The following LRMDA variants were observed in gnomAD, a reference collection of about 807,000 sequenced individuals.
The protein encoded by LRMDA is leucine-rich melanocyte differentiation-associated protein.
LRMDA carries 18 observed loss-of-function variants against 29.8 expected under a neutral mutation model. That is an observed-to-expected ratio of 0.60 (90% CI 0.42 to 0.90). LRMDA has a LOEUF of 0.90. LRMDA is among the 40% of genes least tolerant of loss of function. LRMDA has a pLI of 0.00. For synonymous variants in LRMDA, 125 were observed against 109.4 expected, an observed-to-expected ratio of 1.14 and a Z score of -0.89; for missense variants, 273 against 273.9, an observed-to-expected ratio of 1.00 and a Z score of 0.02.
chr10:76,255,010 C>T (rs114342773), intron 5 of LRMDA, among the ~76,000 whole-genome samples: 18 of 152,246 alleles, frequency 1.2e-4, no homozygotes, highest in African/African-American at 4.3e-4. Context: ...CCAGACTTTC[C>T]CTATTTTCAC....
chr10:75,482,888 A>G (rs1045621514), intron 2 of LRMDA, among the ~76,000 whole-genome samples: 1 of 152,108 alleles, frequency 6.6e-6, no homozygotes, highest in African/African-American at 2.4e-5. Flanking sequence ...TCCATTTGCA[A>G]TCTCGAAGCA....
At chr10:75,928,468 C>A (rs143007377) in intron 2 of LRMDA, among the ~76,000 whole-genome samples, 1 of 152,200 alleles carries the variant, frequency 6.6e-6, no homozygotes, top group Non-Finnish European at 1.5e-5. Flanking sequence ...TTGGCAACCA[C>A]GCTTCTTCCT....
At chr10:75,438,312 T>A (rs1172905525) in intron 1 of LRMDA, 82 bp from the exon 2 acceptor site, 3 of 1,070,016 alleles carry the variant, frequency 2.8e-6, no homozygotes, top group Non-Finnish European at 4.2e-6. Context: ...GCAGAAGCAA[T>A]CATTGGATCA....
chr10:75,554,363 G>C (rs904653065), intron 2 of LRMDA, among the ~76,000 whole-genome samples: 1 of 152,196 alleles, frequency 6.6e-6, no homozygotes, highest in Admixed American at 6.5e-5. Flanking sequence ...CTGCAGAAGA[G>C]AAATGATGTT....
At chr10:75,967,139 G>A (rs1230881635) in intron 2 of LRMDA, among the ~76,000 whole-genome samples, 1 of 152,198 alleles carries the variant, frequency 6.6e-6, no homozygotes, top group East Asian at 1.9e-4. Flanking sequence ...TTGTGCGGTA[G>A]AGCTGAGCTC....
chr10:76,109,088 G>A (rs1849533381), intron 5 of LRMDA, among the ~76,000 whole-genome samples: 2 of 152,036 alleles, frequency 1.3e-5, no homozygotes, highest in South Asian at 2.1e-4. Context: ...GCTCTCCCTC[G>A]CTGAGAGGTC....
At chr10:76,412,507 A>G (rs935336367) in intron 6 of LRMDA, among the ~76,000 whole-genome samples, 13 of 152,206 alleles carry the variant, frequency 8.5e-5, no homozygotes, top group South Asian at 6.2e-4. Flanking sequence ...AAGGAAGGAC[A>G]CAAAAAAGAG....
intron 2 of LRMDA, among the ~76,000 whole-genome samples, chr10:75,561,027 A>G (rs1840287496): frequency 6.6e-6 from 1 of 151,028 alleles, no homozygotes; most frequent in African/African-American, 2.4e-5. Context: ...CGGCTTTGGT[A>G]TCAGGATGAT....
intron 2 of LRMDA, among the ~76,000 whole-genome samples, chr10:75,768,309 A>G (rs1412467759): frequency 6.6e-6 from 1 of 152,206 alleles, no homozygotes; most frequent in Admixed American, 6.5e-5. Context: ...GGGACACATT[A>G]TTGTAGAAAT....
chr10:75,602,003 A>G (rs1840893152), intron 2 of LRMDA, among the ~76,000 whole-genome samples: 1 of 152,210 alleles, frequency 6.6e-6, no homozygotes, highest in Admixed American at 6.5e-5. Context: ...CCAGAATACT[A>G]TCTTCTGTGA....
At chr10:76,377,467 T>TAGGCCA in intron 6 of LRMDA, among the ~76,000 whole-genome samples, 1 of 152,316 alleles carries the variant, frequency 6.6e-6, no homozygotes, top group East Asian at 1.9e-4. Context: ...ATTCTTTGCC[T>TAGGCCA]AGGCCAATGT....
intron 6 of LRMDA, among the ~76,000 whole-genome samples, chr10:76,472,161 C>T (rs1333755840): frequency 6.6e-6 from 1 of 151,722 alleles, no homozygotes; most frequent in Non-Finnish European, 1.5e-5. Flanking sequence ...TAGGATAGAC[C>T]ATATATTAGG....
At chr10:75,933,002 G>T (rs1846230766) in intron 2 of LRMDA, among the ~76,000 whole-genome samples, 1 of 152,172 alleles carries the variant, frequency 6.6e-6, no homozygotes, top group Non-Finnish European at 1.5e-5. Context: ...GAATCATTCA[G>T]GCGTAGATTC....
intron 5 of LRMDA, among the ~76,000 whole-genome samples, chr10:76,183,892 G>GA (rs1032001712): frequency 2.0e-5 from 3 of 152,044 alleles, no homozygotes; most frequent in Non-Finnish European, 2.9e-5. Context: ...CTATTTAAAA[G>GA]AAAAATTTGT....
At chr10:76,089,642 C>G (rs1189230357) in intron 5 of LRMDA, among the ~76,000 whole-genome samples, 1 of 152,184 alleles carries the variant, frequency 6.6e-6, no homozygotes, top group African/African-American at 2.4e-5. Flanking sequence ...GAGATTTCGG[C>G]AGAGCCTTTC....
At chr10:76,229,313 A>C (rs373546327) in intron 5 of LRMDA, among the ~76,000 whole-genome samples, 1 of 152,208 alleles carries the variant, frequency 6.6e-6, no homozygotes, top group African/African-American at 2.4e-5. Context: ...CGAAGCTTAT[A>C]TGCCCTTCTC....
intron 2 of LRMDA, among the ~76,000 whole-genome samples, chr10:75,457,280 T>C (rs1844529729): frequency 6.6e-6 from 1 of 152,236 alleles, no homozygotes; most frequent in Non-Finnish European, 1.5e-5. Flanking sequence ...TTCAAATTCA[T>C]TGTTGTCCTA....
chr10:76,295,976 A>AT (rs1840407226), intron 5 of LRMDA, among the ~76,000 whole-genome samples: 1 of 151,966 alleles, frequency 6.6e-6, no homozygotes, highest in Non-Finnish European at 1.5e-5. Flanking sequence ...CTGTCTCTTA[A>AT]TTTTATCTCC....
At chr10:75,782,077 G>A (rs1394370094) in intron 2 of LRMDA, among the ~76,000 whole-genome samples, 2 of 152,092 alleles carry the variant, frequency 1.3e-5, no homozygotes. Flanking sequence ...ATTGCATCTC[G>A]GCAAGATTTA....
Sources: allele counts gnomAD v4.1 joint callset (sites outside exome capture counted in the v4.1 genomes callset), GRCh38; gene constraint gnomAD v4.1.1; transcripts MANE v1.5; gene names NCBI Gene and HGNC (gene_info 2026-07-23, HGNC 2026-07-21).